Variants in LRFN4 observed in about 807,000 individuals in gnomAD.
The protein encoded by LRFN4 is leucine-rich repeat and fibronectin type-III domain-containing protein 4.
Under a neutral mutation model 29.0 loss-of-function variants are expected in LRFN4, and 10 were observed. The ratio of observed to expected loss-of-function variants is 0.35; its 90% CI spans 0.21 to 0.59. The LOEUF is 0.59. Ranked by LOEUF, LRFN4 falls within the 20% of genes least tolerant of loss-of-function variation. The pLI, the probability that LRFN4 is intolerant of heterozygous loss-of-function variation, is 0.82. For missense variants in LRFN4, 850 were observed against 907.9 expected (o/e 0.94, Z 0.82); for synonymous variants, 493 against 437.0 (o/e 1.13, Z -1.60).
At position 66,859,943 on chromosome 11, in the gene LRFN4, G is replaced by C. The variant is rs1946141491; in HGVS notation, c.1656G>C (p.Lys552Asn). The change falls in exon 2 of 2, where the codon AAG (lysine) becomes AAC (asparagine). Residue 552 changes from lysine (K) to asparagine (N), a missense_variant. Lys to Asn is a moderately conservative substitution (Grantham distance 94). Around this residue, in one of 2 missense-constraint regions of LRFN4, gnomAD observed 744 missense variants for 753.8 expected, o/e 0.99. Coordinates refer to ENST00000309602, the MANE Select transcript of LRFN4 (RefSeq NM_024036.5). ...RGAGNGRLPL[K>N]LSHVQSQTNG... ...CCGGAAATGGCCGCCTCCCCCTCAA[G>C]CTCAGCCACGTCCAGTCCCAGACCA... 6.3e-7 allele frequency: 1 copy of C among 1,595,962 alleles called. No individual in the cohort carries two copies. Among genetic ancestry groups the C allele is most frequent in the South Asian group, 1.1e-5 (1 of 88,728 alleles).
Position 66,857,683 on chromosome 11 carries a change from T to G in LRFN4, c.-62T>G. 1 of 1,512,760 alleles carries G rather than the reference T, an allele frequency of 6.6e-7. No homozygotes were observed. Among genetic ancestry groups the G allele is most frequent in the East Asian group, 2.3e-5 (1 of 43,108 alleles). The allele number at this position is 1,512,760 out of a possible 1,614,324, so 93.7% of individuals were successfully genotyped here. A position where few individuals can be genotyped will look rare whatever the true frequency, so the allele number is the denominator to read the frequency against. ...CTTCTGGGACTGTCCTGGGCCCAAG[T>G]GGGCACCTGCGCCAGCCCCACCTGT... On this transcript the variant is annotated 5_prime_UTR_variant, in exon 1 of 2. Transcript: ENST00000309602. This position sits in a 1 kb window ranked among gnomAD's most constrained non-coding sequence, Gnocchi z 7.1.
rs763991079 is a variant in LRFN4, at chr11:66,859,692, G to C, written c.1405G>C (p.Asp469His). ...GCTGAAGCACCTCGTCCCCGGCGCT[G>C]ACTATGACCTCTGCCTGCTGGCCTT... Reference protein sequence around the residue: ...FLLKHLVPGADYDLCLLALSP... With the variant: ...FLLKHLVPGAHYDLCLLALSP... Residue 469 changes from aspartate to histidine, a missense_variant, in exon 2 of 2, where the codon GAC becomes CAC. Asp to His is a moderately conservative substitution (Grantham distance 81). This residue lies in a region of LRFN4 where 744 missense variants were observed against 753.8 expected (regional missense o/e 0.99). Transcript: ENST00000309602. The C allele has an allele frequency of 6.2e-7, 1 of 1,612,788 alleles. No homozygotes were observed. Among genetic ancestry groups the C allele is most frequent in the Non-Finnish European group, 8.5e-7 (1 of 1,179,802 alleles).
In LRFN4 at chr11:66,858,116, C is replaced by G; in HGVS notation, c.372C>G (p.His124Gln). The G allele has an allele frequency of 5.0e-6, 8 of 1,610,670 alleles. No homozygotes were observed. The highest frequency in any genetic ancestry group is 6.8e-6 in the Non-Finnish European group (8 of 1,178,924). ...GSLRGPVNLQ[H>Q]LILSGNQLGR... is the part of the protein sequence containing the mutation. Reference sequence around the variant, plus strand: ...TCCGGGGCCCCGTCAATCTGCAGCACCTCATCCTCAGCGGCAACCAGCTGG... The same window carrying G: ...TCCGGGGCCCCGTCAATCTGCAGCAGCTCATCCTCAGCGGCAACCAGCTGG... The change falls in exon 1 of 2, where the codon CAC becomes CAG. Residue 124 changes from histidine (H) to glutamine (Q), a missense_variant. His to Gln is a conservative substitution (Grantham distance 24). Around this residue, in one of 2 missense-constraint regions of LRFN4, gnomAD observed 744 missense variants for 753.8 expected, o/e 0.99. Transcript: ENST00000309602. The surrounding 1 kb of genome is among the most constrained non-coding windows in gnomAD (Gnocchi z 5.9).
In LRFN4 at chr11:66,858,765, A is replaced by T; in HGVS notation, c.1021A>T (p.Thr341Ser). ...CAACGGGACCTTAGAGATTGGGGTG[A>T]CCGGCGCTGGGGACGCTGGGGGCTA... ...FPNGTLEIGV[T>S]GAGDAGGYTC... The change falls in exon 1 of 2, where the codon ACC becomes TCC. Residue 341 changes from threonine (T) to serine (S), a missense_variant. Physicochemically the swap from Thr to Ser is moderately conservative, Grantham distance 58 (BLOSUM62 1). This residue lies in a region of LRFN4 where 744 missense variants were observed against 753.8 expected (regional missense o/e 0.99). Transcript: ENST00000309602. This position sits in a 1 kb window ranked among gnomAD's most constrained non-coding sequence, Gnocchi z 5.9. The T allele has an allele frequency of 6.4e-7, 1 of 1,551,552 alleles. No individual in the cohort carries two copies. The highest frequency in any genetic ancestry group is 8.7e-7 in the Non-Finnish European group (1 of 1,147,872).
chr11:66,857,471 GTCC>G lies in LRFN4; in HGVS notation c.-267_-265del. On this transcript the variant is annotated 5_prime_UTR_variant, in exon 1 of 2. Transcript: ENST00000309602. This position sits in a 1 kb window ranked among gnomAD's most constrained non-coding sequence, Gnocchi z 7.1. ...AGTTCCGGGACCCTCCCTGCTCTCG[GTCC>G]TCCTCCGCTTCCTGCCTCATGCCTC... is the stretch of plus-strand genomic sequence containing the variant. 2 of 431,926 alleles carry G rather than the reference GTCC, an allele frequency of 4.6e-6. No individual in the cohort carries two copies. The highest frequency in any genetic ancestry group is 8.2e-6 in the Non-Finnish European group (2 of 244,712). 26.8% of individuals were successfully genotyped at this position (431,926 alleles called of 1,614,324 possible). A position where few individuals can be genotyped will look rare whatever the true frequency, so the allele number is the denominator to read the frequency against.
rs1565230147 is a variant in LRFN4, at chr11:66,860,380, C to T, written c.*185C>T. 2 of 867,388 alleles carry T rather than the reference C, an allele frequency of 2.3e-6. No homozygotes were observed. Among genetic ancestry groups the T allele is most frequent in the Non-Finnish European group, 3.7e-6 (2 of 535,770 alleles). 53.7% of individuals were successfully genotyped at this position (867,388 alleles called of 1,614,324 possible). A position where few individuals can be genotyped will look rare whatever the true frequency, so the allele number is the denominator to read the frequency against. ...CCTCCAGACCAGGGTAAGGGCAGGC[C>T]CCTCCAACAGGTGCTCACAGCCACC... On this transcript the variant is annotated 3_prime_UTR_variant, in exon 2 of 2. Transcript: ENST00000309602.
Position 66,858,452 on chromosome 11 carries a change from G to T in LRFN4, c.708G>T (p.Leu236=). ...PLVLSFSGNP[L]HCNCELLWLR... is the part of the protein sequence containing the mutation. Reference sequence around the variant, plus strand: ...TGCTGAGCTTTAGCGGGAACCCCCTGCACTGCAACTGTGAGCTGCTGTGGC... The same window carrying T: ...TGCTGAGCTTTAGCGGGAACCCCCTTCACTGCAACTGTGAGCTGCTGTGGC... The change falls in exon 1 of 2, where the codon CTG becomes CTT. Residue 236 remains leucine, a synonymous_variant. Coordinates refer to ENST00000309602, the MANE Select transcript of LRFN4 (RefSeq NM_024036.5). This position sits in a 1 kb window ranked among gnomAD's most constrained non-coding sequence, Gnocchi z 5.9. The T allele has an allele frequency of 6.4e-7, 1 of 1,551,294 alleles. No homozygotes were observed.
chr11:66,858,329 C>T lies in LRFN4; in HGVS notation c.585C>T (p.Leu195=). The change falls in exon 1 of 2, where the codon CTC becomes CTT. Residue 195 remains leucine, a synonymous_variant. Coordinates refer to ENST00000309602, the MANE Select transcript of LRFN4 (RefSeq NM_024036.5). The surrounding 1 kb of genome is among the most constrained non-coding windows in gnomAD (Gnocchi z 5.9). ...PPGAFAQLGQ[L]SRLDLTSNRL... ...GCGCCTTCGCCCAGCTCGGTCAGCT[C>T]TCCCGCCTGGACCTCACCTCCAACC... The T allele has an allele frequency of 5.0e-6, 8 of 1,605,198 alleles. No homozygotes were observed. The highest frequency in any genetic ancestry group is 6.8e-6 in the Non-Finnish European group (8 of 1,177,532).
chr11:66,858,200 G>A lies in LRFN4; in HGVS notation c.456G>A (p.Leu152=). Residue 152 remains leucine, a synonymous_variant, in exon 1 of 2, where the codon CTG becomes CTA. Coordinates refer to ENST00000309602, the MANE Select transcript of LRFN4 (RefSeq NM_024036.5). The surrounding 1 kb of genome is among the most constrained non-coding windows in gnomAD (Gnocchi z 5.9). The part of the protein sequence containing the change: ...DFLESLEDLD[L]SYNNLRQVPW... The stretch of plus-strand genomic sequence containing the variant: ...TAGAGAGCCTGGAGGACCTGGACCT[G>A]TCCTACAACAACCTCCGGCAGGTGC... 1.9e-6 allele frequency: 3 copies of A among 1,612,434 alleles called. No individual in the cohort carries two copies. Among genetic ancestry groups the A allele is most frequent in the Non-Finnish European group, 2.5e-6 (3 of 1,179,854 alleles).
chr11:66,857,420 G>A lies in LRFN4; in HGVS notation c.-325G>A, dbSNP rs1219230539. The stretch of plus-strand genomic sequence containing the variant: ...GGCGGGGAGTGGGGAGGCGGCTGGC[G>A]ATTCCTGGGGACGCCTGGGAAAGGA... On this transcript the variant is annotated 5_prime_UTR_variant, in exon 1 of 2. Transcript: ENST00000309602. The surrounding 1 kb of genome is among the most constrained non-coding windows in gnomAD (Gnocchi z 7.1). The A allele has an allele frequency of 1.7e-5, 5 of 290,296 alleles. No individual in the cohort carries two copies. Among genetic ancestry groups the A allele is most frequent in the African/African-American group, 4.4e-5 (2 of 45,604 alleles). 18.0% of individuals were successfully genotyped at this position (290,296 alleles called of 1,614,324 possible).
In LRFN4 at chr11:66,858,306, G is replaced by A. The variant is rs780855988; in HGVS notation, c.562G>A (p.Ala188Thr). 15 of 1,610,146 alleles carry A rather than the reference G, an allele frequency of 9.3e-6. No homozygotes were observed. The highest frequency in any genetic ancestry group is 6.7e-5 in the Admixed American group (4 of 59,950). Residue 188 changes from alanine (A) to threonine (T), a missense_variant, in exon 1 of 2, where the codon GCC becomes ACC. Transcript: ENST00000309602. The surrounding 1 kb of genome is among the most constrained non-coding windows in gnomAD (Gnocchi z 5.9). ...CCTTATTGACGCACTGCCCCCAGGC[G>A]CCTTCGCCCAGCTCGGTCAGCTCTC... ...HNLIDALPPG[A>T]FAQLGQLSRL... is the part of the protein sequence containing the mutation.
rs1472617947 is a variant in LRFN4, at chr11:66,857,369, G to T, written c.-376G>T. On this transcript the variant is annotated 5_prime_UTR_variant, in exon 1 of 2. Coordinates refer to ENST00000309602, the MANE Select transcript of LRFN4 (RefSeq NM_024036.5). This position sits in a 1 kb window ranked among gnomAD's most constrained non-coding sequence, Gnocchi z 7.1. ...ACGGACTCCACGGGAGGTTCGGGGGGCGCCTTCTCTGGCGGGGGAGGGTAT... is the reference window on the plus strand; with the variant it reads ...ACGGACTCCACGGGAGGTTCGGGGGTCGCCTTCTCTGGCGGGGGAGGGTAT... 22 of 191,484 alleles carry T rather than the reference G, an allele frequency of 1.1e-4. No homozygotes were observed. Among genetic ancestry groups the T allele is most frequent in the Non-Finnish European group, 1.6e-4 (15 of 93,954 alleles). The allele number at this position is 191,484 out of a possible 1,614,324, so 11.9% of individuals were successfully genotyped here.
At position 66,858,070 on chromosome 11, in the gene LRFN4, T is replaced by C. The variant is rs761704963; in HGVS notation, c.326T>C (p.Val109Ala). ...RSLHLDGNRLVELGTGSLRGP... is the reference protein window; with the variant it reads ...RSLHLDGNRLAELGTGSLRGP... ...CTCCACCTTGACGGCAACAGGCTGG[T>C]GGAGCTGGGCACCGGGAGCCTCCGG... is the stretch of plus-strand genomic sequence containing the variant. The change falls in exon 1 of 2, where the codon GTG becomes GCG. Residue 109 changes from valine to alanine, a missense_variant. Val to Ala is a moderately conservative substitution (Grantham distance 64). Around this residue, in one of 2 missense-constraint regions of LRFN4, gnomAD observed 106 missense variants for 154.2 expected, o/e 0.69. Coordinates refer to ENST00000309602, the MANE Select transcript of LRFN4 (RefSeq NM_024036.5). This position sits in a 1 kb window ranked among gnomAD's most constrained non-coding sequence, Gnocchi z 5.9. 1 of 1,609,456 alleles carries C rather than the reference T, an allele frequency of 6.2e-7. No individual in the cohort carries two copies. Among genetic ancestry groups the C allele is most frequent in the East Asian group, 2.2e-5 (1 of 44,830 alleles).
In LRFN4 at chr11:66,859,955, C is replaced by T; in HGVS notation, c.1668C>T (p.Val556=). The T allele has an allele frequency of 3.1e-6, 5 of 1,600,648 alleles. No individual in the cohort carries two copies. The highest frequency in any genetic ancestry group is 4.3e-6 in the Non-Finnish European group (5 of 1,173,960). The change falls in exon 2 of 2, where the codon GTC becomes GTT. Residue 556 remains valine (V), a synonymous_variant. Transcript: ENST00000309602. ...GCCTCCCCCTCAAGCTCAGCCACGT[C>T]CAGTCCCAGACCAATGGAGGCCCCA... ...NGRLPLKLSH[V]QSQTNGGPSP...
chr11:66,858,710 T>C lies in LRFN4; in HGVS notation c.966T>C (p.Val322=), dbSNP rs768690295. 8 of 1,552,314 alleles carry C rather than the reference T, an allele frequency of 5.2e-6. No homozygotes were observed. In the East Asian group the frequency reaches 1.7e-4, roughly 33 times the overall value. The change falls in exon 1 of 2, where the codon GTT becomes GTC. Residue 322 remains valine (V), a synonymous_variant. Coordinates refer to ENST00000309602, the MANE Select transcript of LRFN4 (RefSeq NM_024036.5). The surrounding 1 kb of genome is among the most constrained non-coding windows in gnomAD (Gnocchi z 5.9). ...GGGTCGGTCCTGACGACCGGTTGGTTGGCAACTCCTCCCGAGCCCGGGCTT... is the reference window on the plus strand; with the variant it reads ...GGGTCGGTCCTGACGACCGGTTGGTCGGCAACTCCTCCCGAGCCCGGGCTT... ...MHWVGPDDRL[V]GNSSRARAFP...
chr11:66,860,150 G>T lies in LRFN4; in HGVS notation c.1863G>T (p.Arg621=). 6.5e-7 allele frequency: 1 copy of T among 1,549,062 alleles called. No homozygotes were observed. Residue 621 remains arginine (R), a synonymous_variant, in exon 2 of 2, where the codon CGG becomes CGT. Transcript: ENST00000309602. ...VHGGLLGAGC[R]GVGGSAERLE... ...GGGGGCTGCTCGGGGCAGGGTGCCG[G>T]GGGGTAGGAGGCAGCGCCGAGCGGC...
rs535145907 is a variant in LRFN4, at chr11:66,857,502, C to T, written c.-243C>T. The T allele has an allele frequency of 4.0e-6, 2 of 500,620 alleles. No homozygotes were observed. The highest frequency in any genetic ancestry group is 6.2e-5 in the East Asian group (2 of 32,152). 31.0% of individuals were successfully genotyped at this position (500,620 alleles called of 1,614,324 possible). A position where few individuals can be genotyped will look rare whatever the true frequency, so the allele number is the denominator to read the frequency against. On this transcript the variant is annotated 5_prime_UTR_variant, in exon 1 of 2. Coordinates refer to ENST00000309602, the MANE Select transcript of LRFN4 (RefSeq NM_024036.5). The surrounding 1 kb of genome is among the most constrained non-coding windows in gnomAD (Gnocchi z 7.1). ...CTCCGCTTCCTGCCTCATGCCTCACCTTGTCCCCAGCGCCTGGACTCCCCC... is the reference window on the plus strand; with the variant it reads ...CTCCGCTTCCTGCCTCATGCCTCACTTTGTCCCCAGCGCCTGGACTCCCCC...
At position 66,857,850 on chromosome 11, in the gene LRFN4, C is replaced by G; in HGVS notation, c.106C>G (p.His36Asp). ...LSESLSTLCA[H>D]RGLLFVPPNV... ...CGAGTCGCTCAGCACCCTCTGTGCC[C>G]ACCGAGGCCTGCTGTTTGTGCCGCC... Residue 36 changes from histidine to aspartate, a missense_variant, in exon 1 of 2, where the codon CAC (histidine) becomes GAC (aspartate). Physicochemically the swap from His to Asp is moderately conservative, Grantham distance 81 (BLOSUM62 -1). This residue lies in a region of LRFN4 where 106 missense variants were observed against 154.2 expected (regional missense o/e 0.69). Coordinates refer to ENST00000309602, the MANE Select transcript of LRFN4 (RefSeq NM_024036.5). This position sits in a 1 kb window ranked among gnomAD's most constrained non-coding sequence, Gnocchi z 7.1. 4 of 1,608,276 alleles carry G rather than the reference C, an allele frequency of 2.5e-6. No homozygotes were observed. Among genetic ancestry groups the G allele is most frequent in the Non-Finnish European group, 3.4e-6 (4 of 1,179,878 alleles).
Position 66,857,672 on chromosome 11 carries a change from C to G in LRFN4, c.-73C>G, listed in dbSNP as rs1056446438. The G allele has an allele frequency of 2.7e-6, 4 of 1,488,286 alleles. No individual in the cohort carries two copies. In the African/African-American group the frequency reaches 5.5e-5, roughly 21 times the overall value. 92.2% of individuals were successfully genotyped at this position (1,488,286 alleles called of 1,614,324 possible). A position where few individuals can be genotyped will look rare whatever the true frequency, so the allele number is the denominator to read the frequency against. On this transcript the variant is annotated 5_prime_UTR_variant, in exon 1 of 2. Transcript: ENST00000309602. This position sits in a 1 kb window ranked among gnomAD's most constrained non-coding sequence, Gnocchi z 7.1. ...ACAGAAGCTGGCTTCTGGGACTGTC[C>G]TGGGCCCAAGTGGGCACCTGCGCCA...
Sources: gnomAD v4.1 joint callset for allele counts on GRCh38, gnomAD v4.1.1 for gene constraint, gnomAD v4.1.1 regional missense constraint, Gnocchi (gnomAD v3.1) non-coding constraint, MANE v1.5 for transcripts, NCBI Gene and HGNC (gene_info 2026-07-23, HGNC 2026-07-21) for gene names.